LRFN5: variants seen among roughly 807,000 people sequenced by gnomAD.
The protein encoded by LRFN5 is leucine-rich repeat and fibronectin type-III domain-containing protein 5.
Under a neutral mutation model 45.6 loss-of-function variants are expected in LRFN5, and 24 were observed. The observed-to-expected ratio is 0.53, with a 90% CI of 0.38 to 0.74. The LOEUF (loss-of-function observed/expected upper bound fraction) is 0.74. Among genes scored for constraint, LRFN5 ranks in the 30% least tolerant of loss-of-function variants. The pLI is 0.00. For missense variants in LRFN5, 776 were observed against 861.5 expected (o/e 0.90, Z 1.24); for synonymous variants, 340 against 313.8 (o/e 1.08, Z -0.88).
chr14:41,738,799 G>A (rs1391968634), intron 1 of LRFN5, among the ~76,000 whole-genome samples: 1 of 152,096 alleles, frequency 6.6e-6, no homozygotes, highest in Non-Finnish European at 1.5e-5. Context: ...AATGTAGGTT[G>A]TTTTATATTC....
At chr14:41,868,818 A>G (rs1464290093) in intron 2 of LRFN5, among the ~76,000 whole-genome samples, 1 of 152,170 alleles carries the variant, frequency 6.6e-6, no homozygotes, top group Non-Finnish European at 1.5e-5. Context: ...GTGTAGTACA[A>G]TGAGTAATTA....
intron 2 of LRFN5, among the ~76,000 whole-genome samples, chr14:41,832,399 C>T (rs1888515507): frequency 6.6e-6 from 1 of 152,080 alleles, no homozygotes. Context: ...CGGTCACTGG[C>T]ATAAGGGGCA....
chr14:41,704,177 A>G (rs753055540), intron 1 of LRFN5, among the ~76,000 whole-genome samples: 8 of 152,152 alleles, frequency 5.3e-5, no homozygotes, highest in African/African-American at 1.4e-4. Flanking sequence ...AATTTAAATG[A>G]ATGCTTTTCC....
intron 2 of LRFN5, among the ~76,000 whole-genome samples, chr14:41,824,626 T>A (rs1888231861): frequency 6.6e-6 from 1 of 152,098 alleles, no homozygotes; most frequent in Admixed American, 6.6e-5. Context: ...GTAGGTGGTG[T>A]TTATGGGTAA....
At chr14:41,812,604 A>AAT (rs910484537) in intron 2 of LRFN5, among the ~76,000 whole-genome samples, 37 of 151,610 alleles carry the variant, frequency 2.4e-4, no homozygotes, top group Non-Finnish European at 2.7e-4. Flanking sequence ...AGTAGAAATA[A>AAT]ATATATATAT....
chr14:41,732,912 T>C lies in LRFN5; in HGVS notation c.-196-33942T>C, dbSNP rs572394039. 2.7e-5 allele frequency among the ~76,000 whole-genome samples: 4 copies of C among 150,108 alleles called. No individual in the cohort carries two copies. The South Asian group carries it at 8.6e-4, about 32-fold the overall frequency. ...AAAACCTAAGGAGAAACAAAAAATA[T>C]CTTATAGCTAAAAAGTACCAGAAAA... On this transcript the variant is annotated intron_variant, in intron 1 of 5. Transcript: ENST00000298119.
At chr14:41,874,133 G>A (rs1239886715) in intron 2 of LRFN5, among the ~76,000 whole-genome samples, 1 of 152,160 alleles carries the variant, frequency 6.6e-6, no homozygotes, top group Non-Finnish European at 1.5e-5. Context: ...CTACTGTGCT[G>A]AGGTAGCAGC....
At chr14:41,780,627 C>G (rs1007250305) in intron 2 of LRFN5, among the ~76,000 whole-genome samples, 2 of 151,934 alleles carry the variant, frequency 1.3e-5, no homozygotes, top group African/African-American at 4.8e-5. Flanking sequence ...TAAATCAAAT[C>G]TGAAAATTTA....
chr14:41,811,471 A>G (rs1257321895), intron 2 of LRFN5, among the ~76,000 whole-genome samples: 1 of 152,106 alleles, frequency 6.6e-6, no homozygotes, highest in Non-Finnish European at 1.5e-5. Context: ...ACTTGTACAC[A>G]ACTGTTTATA....
At chr14:41,766,200 G>A (rs566413510) in intron 1 of LRFN5, among the ~76,000 whole-genome samples, 2 of 152,202 alleles carry the variant, frequency 1.3e-5, no homozygotes, top group East Asian at 3.9e-4. Flanking sequence ...CTATTACATA[G>A]TAATCTTATA....
intron 2 of LRFN5, among the ~76,000 whole-genome samples, chr14:41,860,358 T>A (rs945137179): frequency 6.6e-6 from 1 of 152,188 alleles, no homozygotes; most frequent in African/African-American, 2.4e-5. Flanking sequence ...GTGTTTCTCC[T>A]TTTTAATCCA....
chr14:41,726,067 G>A (rs556502110), intron 1 of LRFN5, among the ~76,000 whole-genome samples: 12 of 152,166 alleles, frequency 7.9e-5, no homozygotes, highest in African/African-American at 2.6e-4. Context: ...TATCAAGTAC[G>A]ATTGATGATC....
intron 1 of LRFN5, among the ~76,000 whole-genome samples, chr14:41,720,305 T>G (rs1385332107): frequency 2.0e-5 from 3 of 152,152 alleles, no homozygotes; most frequent in Admixed American, 1.3e-4. Context: ...CCATGATGTA[T>G]ATGTACCACA....
intron 1 of LRFN5, among the ~76,000 whole-genome samples, chr14:41,714,041 A>T (rs1883388372): frequency 2.0e-5 from 3 of 152,308 alleles, no homozygotes; most frequent in African/African-American, 7.2e-5. Flanking sequence ...ATGAAACATA[A>T]CTACATGCAT....
chr14:41,781,623 A>G (rs1304349743), intron 2 of LRFN5, among the ~76,000 whole-genome samples: 3 of 142,588 alleles, frequency 2.1e-5, no homozygotes, highest in African/African-American at 5.5e-5. Context: ...AAAGAGAAAG[A>G]AAGAAAGAAA....
intron 1 of LRFN5, among the ~76,000 whole-genome samples, chr14:41,689,843 C>A (rs955930179): frequency 7.2e-6 from 1 of 139,100 alleles, no homozygotes; most frequent in Admixed American, 7.8e-5. Context: ...TGCAGTGAGC[C>A]GAGATTGCGC....
chr14:41,897,466 A>G (rs958107267), intron 4 of LRFN5, among the ~76,000 whole-genome samples: 24 of 152,234 alleles, frequency 1.6e-4, no homozygotes, highest in African/African-American at 5.8e-4. Context: ...GTATAAATAT[A>G]TATGTGCTCA....
chr14:41,660,165 A>G (rs1880579060), intron 1 of LRFN5, among the ~76,000 whole-genome samples: 1 of 152,060 alleles, frequency 6.6e-6, no homozygotes, highest in Admixed American at 6.6e-5. Flanking sequence ...AGCTGAGATT[A>G]CAGGCACCTA....
intron 1 of LRFN5, among the ~76,000 whole-genome samples, chr14:41,729,867 T>C (rs1884094475): frequency 6.6e-6 from 1 of 152,074 alleles, no homozygotes; most frequent in South Asian, 2.1e-4. Context: ...TATTTTAAAG[T>C]ATACATGATT....
Sources: gnomAD v4.1 joint callset for allele counts (sites outside exome capture counted in the v4.1 genomes callset) on GRCh38, gnomAD v4.1.1 for gene constraint, MANE v1.5 for transcripts, NCBI Gene and HGNC (gene_info 2026-07-23, HGNC 2026-07-21) for gene names.